Variants in NELL2 observed in about 807,000 individuals in gnomAD.
NELL2 encodes protein kinase C-binding protein NELL2.
In NELL2, 41 loss-of-function variants were observed where a neutral mutation model predicts 109.6. The ratio of observed to expected loss-of-function variants is 0.37; its 90% CI spans 0.29 to 0.49. The LOEUF (loss-of-function observed/expected upper bound fraction) is 0.49, where lower values mean the gene tolerates loss of function less well. Ranked by LOEUF, NELL2 falls within the 20% of genes least tolerant of loss-of-function variation. NELL2 has a pLI of 0.98. For missense variants in NELL2, 900 were observed against 1,008.3 expected (o/e 0.89, Z 1.45); for synonymous variants, 355 against 344.7 (o/e 1.03, Z -0.33).
intron 3 of NELL2, among the ~76,000 whole-genome samples, chr12:44,792,731 G>A (rs572793137): frequency 1.3e-5 from 2 of 152,272 alleles, no homozygotes; most frequent in African/African-American, 2.4e-5. Context: ...AATATGCAGT[G>A]TCAATCATAA....
Position 44,644,608 on chromosome 12 carries a change from G to GTGTATATATATATA in NELL2, c.1444+20875_1444+20876insTATATATATATACA, listed in dbSNP as rs1461808442. On this transcript the variant is annotated intron_variant, in intron 13 of 19. Coordinates refer to ENST00000429094, the MANE Select transcript of NELL2 (RefSeq NM_001145108.2). ...TATATATATATATATATATATGTATGTATATATATATATATATACATACAT... is the reference window on the plus strand; with the variant it reads ...TATATATATATATATATATATGTATGTGTATATATATATATATATATATATATATATACATACAT... Among the ~76,000 whole-genome samples the GTGTATATATATATA allele has an allele frequency of 1.6e-3, 149 of 90,790 alleles. 2 individuals carry two copies. Among genetic ancestry groups the GTGTATATATATATA allele is most frequent in the Non-Finnish European group, 2.0e-3 (99 of 49,818 alleles). The allele number at this position is 90,790 out of a possible 152,430, so 59.6% of individuals were successfully genotyped here. A position where few individuals can be genotyped will look rare whatever the true frequency, so the allele number is the denominator to read the frequency against.
chr12:44,775,914 T>C (rs1273493810), intron 8 of NELL2, 108 bp downstream of exon 8: 1 of 1,297,514 alleles, frequency 7.7e-7, no homozygotes, highest in African/African-American at 1.5e-5. Context: ...TAGTGTTGTG[T>C]CTTGAGGAAA....
At chr12:44,622,597 T>G (rs147053231) in intron 13 of NELL2, among the ~76,000 whole-genome samples, 28 of 152,246 alleles carry the variant, frequency 1.8e-4, no homozygotes, top group African/African-American at 6.3e-4. Context: ...AATATACAAT[T>G]TCCTAAGAAA....
At chr12:44,846,950 G>A (rs1407154932) in intron 2 of NELL2, among the ~76,000 whole-genome samples, 2 of 152,260 alleles carry the variant, frequency 1.3e-5, no homozygotes. Context: ...CGAAGCCAGT[G>A]TCAGCCACAG....
chr12:44,690,097 T>C (rs1948854086), intron 12 of NELL2, among the ~76,000 whole-genome samples: 1 of 152,184 alleles, frequency 6.6e-6, no homozygotes, highest in Non-Finnish European at 1.5e-5. Context: ...GGGAAGCTTG[T>C]AAAAATTTGA....
Position 44,885,333 on chromosome 12 carries a change from G to A in NELL2, c.39-9433C>T, listed in dbSNP as rs115723100. Among the ~76,000 whole-genome samples the A allele has an allele frequency of 3.3e-3, 505 of 151,934 alleles. 9 individuals are homozygous for A. The highest frequency in any genetic ancestry group is 0.011 in the African/African-American group (474 of 41,356). ...AAGAAATAAAAGTTCTTCACATTGA[G>A]AAGGAAGAAATAAATGTTTTCCCTA... On this transcript the variant is annotated intron_variant, in intron 1 of 20. Transcript: ENST00000333837.
chr12:44,801,406 T>C (rs116006826), intron 3 of NELL2, among the ~76,000 whole-genome samples: 2,203 of 152,190 alleles, frequency 0.014, 53 homozygotes, highest in African/African-American at 0.05. Flanking sequence ...CAAACCACTA[T>C]AGAACAATAG....
rs1290635939 is a variant in NELL2, at chr12:44,791,119, A to G, written c.336-11097T>C. ...TATGTATATATATATGTATATATAT[A>G]TGTATATATATATATACACACGCAC... On this transcript the variant is annotated intron_variant, in intron 3 of 19. Coordinates refer to ENST00000429094, the MANE Select transcript of NELL2 (RefSeq NM_001145108.2). Among the ~76,000 whole-genome samples, 51 of 9,590 alleles carry G rather than the reference A, an allele frequency of 5.3e-3. 2 individuals are homozygous for G. Among genetic ancestry groups the G allele is most frequent in the African/African-American group, 0.013 (34 of 2,626 alleles). The allele number at this position is 9,590 out of a possible 152,430, so 6.3% of individuals were successfully genotyped here.
intron 12 of NELL2, among the ~76,000 whole-genome samples, chr12:44,695,142 G>C (rs1949023913): frequency 6.7e-6 from 1 of 150,028 alleles, no homozygotes; most frequent in South Asian, 2.1e-4. Context: ...AAGAAAAGAA[G>C]GAAGGAAAGA....
chr12:44,674,078 T>C (rs1948228954), intron 12 of NELL2, among the ~76,000 whole-genome samples: 1 of 152,174 alleles, frequency 6.6e-6, no homozygotes, highest in Non-Finnish European at 1.5e-5. Flanking sequence ...ATGCATACTA[T>C]ATAACAGAAA....
intron 1 of NELL2, among the ~76,000 whole-genome samples, chr12:44,891,612 G>GT (rs966119848): frequency 6.7e-6 from 1 of 149,216 alleles, no homozygotes; most frequent in Admixed American, 6.9e-5. Flanking sequence ...CTCTTTATTT[G>GT]TAACACTGAT....
intron 12 of NELL2, among the ~76,000 whole-genome samples, chr12:44,672,412 G>A (rs1175079711): frequency 6.6e-6 from 1 of 152,170 alleles, no homozygotes; most frequent in East Asian, 1.9e-4. Context: ...ACTAATGCCT[G>A]ATGATCTGAG....
Position 44,735,257 on chromosome 12 carries a change from T to C in NELL2, c.995-20516A>G, listed in dbSNP as rs191475009. Among the ~76,000 whole-genome samples, 136 of 152,310 alleles carry C rather than the reference T, an allele frequency of 8.9e-4. 1 individual carries two copies. The highest frequency in any genetic ancestry group is 1.8e-3 in the Non-Finnish European group (120 of 68,010). ...CTGTTGTCTGTTGTTTCTGCCAGTT[T>C]TCATCCTACAGTTTTGTTTCCTTGG... On this transcript the variant is annotated intron_variant, in intron 9 of 19. Coordinates refer to ENST00000429094, the MANE Select transcript of NELL2 (RefSeq NM_001145108.2).
intron 1 of NELL2, among the ~76,000 whole-genome samples, chr12:44,892,115 T>C (rs561276722): frequency 6.6e-6 from 1 of 152,326 alleles, no homozygotes; most frequent in African/African-American, 2.4e-5. Flanking sequence ...AATATGTGCA[T>C]GGTTGGGAGT....
At chr12:44,798,308 G>GA (rs1942705640) in intron 3 of NELL2, among the ~76,000 whole-genome samples, 2 of 151,728 alleles carry the variant, frequency 1.3e-5, no homozygotes, top group Non-Finnish European at 2.9e-5. Context: ...TATGTGCATA[G>GA]AAAAAGCAAA....
At chr12:44,826,697 G>A (rs181919121) in intron 2 of NELL2, among the ~76,000 whole-genome samples, 5 of 152,206 alleles carry the variant, frequency 3.3e-5, no homozygotes, top group African/African-American at 1.2e-4. Context: ...ATCAAAAGTG[G>A]CTCAAAATCA....
chr12:44,521,272 C>A (rs1292627357), intron 18 of NELL2, among the ~76,000 whole-genome samples: 1 of 152,118 alleles, frequency 6.6e-6, no homozygotes, highest in Non-Finnish European at 1.5e-5. Context: ...AAATAACAAT[C>A]TTTAGAAGGT....
chr12:44,919,639 G>A (rs1383522850), intron 1 of NELL2, among the ~76,000 whole-genome samples: 1 of 152,052 alleles, frequency 6.6e-6, no homozygotes, highest in Non-Finnish European at 1.5e-5. Context: ...TCAGAGTGAC[G>A]GGTCTACAAG....
intron 13 of NELL2, among the ~76,000 whole-genome samples, chr12:44,620,127 T>G (rs1188753334): frequency 2.6e-5 from 4 of 151,544 alleles, no homozygotes; most frequent in Admixed American, 6.6e-5. Flanking sequence ...TTTTGTTTTT[T>G]TTTTTTTTTT....
Sources: gnomAD v4.1 joint callset for allele counts (sites outside exome capture counted in the v4.1 genomes callset) on GRCh38, gnomAD v4.1.1 for gene constraint, MANE v1.5 for transcripts, NCBI Gene and HGNC (gene_info 2026-07-23, HGNC 2026-07-21) for gene names.